PCDHGA1: variants seen among roughly 807,000 people sequenced by gnomAD.
PCDHGA1 encodes the protein protocadherin gamma subfamily A, 1.
PCDHGA1 carries 32 observed loss-of-function variants against 58.0 expected under a neutral mutation model. The ratio of observed to expected loss-of-function variants is 0.55; its 90% CI spans 0.42 to 0.74. PCDHGA1 has a LOEUF of 0.74. Ranked by LOEUF, PCDHGA1 falls within the 30% of genes least tolerant of loss-of-function variation. The pLI is 0.00. For synonymous variants in PCDHGA1, 498 were observed against 501.1 expected (o/e 0.99, Z 0.08); for missense variants, 1,205 against 1,182.3 (o/e 1.02, Z -0.28).
chr5:141,472,980 C>CAAAAAAAAAAAAAAAAGAAAAAAAAA (rs2099308501), intron 1 of PCDHGA1, among the ~76,000 whole-genome samples: 1 of 86,106 alleles, frequency 1.2e-5, no homozygotes, highest in Non-Finnish European at 2.5e-5. Context: ...GAGTGAAACT[C>CAAAAAAAAAAAAAAAAGAAAAAAAAA]AAAAAAAAAA....
chr5:141,497,824 T>G (rs1164705269), intron 2 of PCDHGA1, among the ~76,000 whole-genome samples: 1 of 152,086 alleles, frequency 6.6e-6, no homozygotes, highest in African/African-American at 2.4e-5. Flanking sequence ...ACAGGTGTGA[T>G]CGCCCCCGGC....
intron 1 of PCDHGA1, chr5:141,423,722 G>T: frequency 1.0e-6 from 1 of 954,174 alleles, no homozygotes; most frequent in Non-Finnish European, 1.3e-6. Flanking sequence ...TTAAGGAGAT[G>T]TTTTTTGAGC....
At chr5:141,345,636 A>C in intron 1 of PCDHGA1, 1 of 1,614,178 alleles carries the variant, frequency 6.2e-7, no homozygotes, top group Non-Finnish European at 8.5e-7. Flanking sequence ...GGTGACAGCC[A>C]GCGACAGCGG....
chr5:141,360,775 G>A lies in PCDHGA1; in HGVS notation c.2421+27670G>A. 1.2e-6 allele frequency: 2 copies of A among 1,613,924 alleles called. 1 individual carries two copies. The highest frequency in any genetic ancestry group is 2.2e-5 in the South Asian group (2 of 91,086). On this transcript the variant is annotated intron_variant, in intron 1 of 3. Coordinates refer to ENST00000517417, the MANE Select transcript of PCDHGA1 (RefSeq NM_018912.3). ...CAGTTTACATCAATTGGTCCTCACA[G>A]CTGTGGATGGCGGAGACCCACCTCA...
At chr5:141,450,129 C>T (rs1211301953) in intron 1 of PCDHGA1, among the ~76,000 whole-genome samples, 1 of 151,472 alleles carries the variant, frequency 6.6e-6, no homozygotes, top group African/African-American at 2.4e-5. Context: ...GCCTTAGCCT[C>T]CTGAGTAGCT....
intron 1 of PCDHGA1, chr5:141,360,753 T>G (rs1761729946): frequency 6.2e-7 from 1 of 1,613,848 alleles, no homozygotes; most frequent in Non-Finnish European, 8.5e-7. Context: ...AAGAGCACAG[T>G]TTACATCAAT....
chr5:141,423,594 C>A, intron 1 of PCDHGA1: 1 of 1,599,308 alleles, frequency 6.3e-7, no homozygotes, highest in South Asian at 1.1e-5. Context: ...GTGAGAAAAG[C>A]GAGCCACTCT....
chr5:141,419,010 G>A (rs2096312778), intron 1 of PCDHGA1: 2 of 1,613,866 alleles, frequency 1.2e-6, no homozygotes, highest in Non-Finnish European at 8.5e-7. Flanking sequence ...GAAGTCAGGT[G>A]TAGCTTAAGT....
intron 1 of PCDHGA1, chr5:141,475,816 C>A (rs1051857446): frequency 1.5e-5 from 5 of 342,872 alleles, no homozygotes; most frequent in Admixed American, 9.0e-5. Context: ...AGTGAAGTTC[C>A]TGGCGCTAGC....
rs568927137 is a variant in PCDHGA1, at chr5:141,410,186, CT to C, written c.2421+77082del. On this transcript the variant is annotated intron_variant, in intron 1 of 3. Coordinates refer to ENST00000517417, the MANE Select transcript of PCDHGA1 (RefSeq NM_018912.3). ...ACTCTCTGCCACCGCCACGCTTCAT[CT>C]GGTCTTCGCAGACAACTTGCAAGAG... 1.6e-5 allele frequency: 26 copies of C among 1,613,940 alleles called. 1 individual carries two copies. In the South Asian group the frequency reaches 2.6e-4, roughly 16 times the overall value.
chr5:141,405,010 CT>C (rs2094596164), intron 1 of PCDHGA1: 3 of 1,614,014 alleles, frequency 1.9e-6, no homozygotes, highest in Non-Finnish European at 2.5e-6. Context: ...ACCTGGAGGC[CT>C]CAGACCTTAC....
At chr5:141,372,344 A>G in intron 1 of PCDHGA1, 1 of 1,613,770 alleles carries the variant, frequency 6.2e-7, no homozygotes, top group Non-Finnish European at 8.5e-7. Flanking sequence ...GTGATGGAGG[A>G]CAGCAGCCTC....
intron 1 of PCDHGA1, chr5:141,423,450 T>G (rs571358720): frequency 1.2e-6 from 2 of 1,614,050 alleles, no homozygotes; most frequent in East Asian, 4.5e-5. Flanking sequence ...CGTCACATTT[T>G]GTAGGCGTGG....
chr5:141,411,017 A>T lies in PCDHGA1; in HGVS notation c.2421+77912A>T, dbSNP rs140607036. ...TACTGGTGCCCCTCACCACAGCTAA[A>T]TTTTTTGTATTTTTAGTAGACATGG... On this transcript the variant is annotated intron_variant, in intron 1 of 3. Transcript: ENST00000517417. 3.9e-3 allele frequency: 631 copies of T among 162,486 alleles called. 5 individuals are homozygous for T. Among genetic ancestry groups the T allele is most frequent in the Admixed American group, 0.011 (172 of 16,000 alleles). 10.1% of individuals were successfully genotyped at this position (162,486 alleles called of 1,614,324 possible).
intron 1 of PCDHGA1, among the ~76,000 whole-genome samples, chr5:141,347,171 CTTTCTTT>C: frequency 6.9e-6 from 1 of 144,420 alleles, no homozygotes; most frequent in South Asian, 2.2e-4. Context: ...TTCTTTCTTT[CTTTCTTT>C]CTTGACAGGG....
intron 1 of PCDHGA1, chr5:141,350,822 T>C: frequency 6.2e-7 from 1 of 1,614,012 alleles, no homozygotes; most frequent in Non-Finnish European, 8.5e-7. Context: ...TGGAAGTAAA[T>C]ATCCGGTATT....
At chr5:141,399,515 C>G (rs748098945) in intron 1 of PCDHGA1, 1 of 1,614,040 alleles carries the variant, frequency 6.2e-7, no homozygotes, top group Non-Finnish European at 8.5e-7. Context: ...AACAACCCTC[C>G]TGGGGCCTCC....
chr5:141,475,167 G>A (rs529813171), intron 1 of PCDHGA1, among the ~76,000 whole-genome samples: 4 of 152,042 alleles, frequency 2.6e-5, no homozygotes, highest in Admixed American at 6.6e-5. Flanking sequence ...CATTAGCAGT[G>A]CAACTTCTTG....
In PCDHGA1 at chr5:141,403,112, C is replaced by CT. The variant is rs765071462; in HGVS notation, c.2421+70008dup. The CT allele has an allele frequency of 3.1e-6, 5 of 1,614,074 alleles. No individual in the cohort carries two copies. In the South Asian group the frequency reaches 5.5e-5, roughly 18 times the overall value. On this transcript the variant is annotated intron_variant, in intron 1 of 3. Transcript: ENST00000517417. Reference sequence around the variant, plus strand: ...GGGCAACATCTCCAAGGACCTGGCTCTGGAGCCCCGGGAGCTGGCGGAGCG... The same window carrying CT: ...GGGCAACATCTCCAAGGACCTGGCTCTTGGAGCCCCGGGAGCTGGCGGAGCG...
Sources: gnomAD v4.1 joint callset for allele counts (sites outside exome capture counted in the v4.1 genomes callset) on GRCh38, gnomAD v4.1.1 for gene constraint, MANE v1.5 for transcripts, NCBI Gene and HGNC (gene_info 2026-07-23, HGNC 2026-07-21) for gene names.